Variants in MYO3B observed in about 807,000 individuals in gnomAD.
MYO3B encodes the protein myosin-IIIb.
A neutral mutation model predicts 174.6 loss-of-function variants in MYO3B; 156 were observed. That is an observed-to-expected ratio of 0.89 (90% confidence interval 0.78 to 1.02). The LOEUF (loss-of-function observed/expected upper bound fraction) is 1.02. Ranked by LOEUF, MYO3B falls within the 50% of genes least tolerant of loss-of-function variation. MYO3B has a pLI of 0.00. For missense variants in MYO3B, 1,632 were observed against 1,639.4 expected (o/e 1.00, Z 0.08); for synonymous variants, 563 against 569.1 (o/e 0.99, Z 0.15).
chr2:170,316,919 T>G (rs533589028), intron 7 of MYO3B, among the ~76,000 whole-genome samples: 2 of 152,328 alleles, frequency 1.3e-5, no homozygotes, highest in East Asian at 3.9e-4. Context: ...TTGGGACCTA[T>G]AGAAGCTGGC....
intron 8 of MYO3B, among the ~76,000 whole-genome samples, chr2:170,346,679 C>T (rs1043022252): frequency 1.8e-4 from 28 of 152,178 alleles, no homozygotes; most frequent in African/African-American, 6.5e-4. Context: ...TTTCTGTAAT[C>T]ATCAATGATT....
At chr2:170,318,785 G>A (rs1422694811) in intron 7 of MYO3B, among the ~76,000 whole-genome samples, 2 of 152,078 alleles carry the variant, frequency 1.3e-5, no homozygotes, top group African/African-American at 4.8e-5. Context: ...AAAGGTATGA[G>A]AATCAAGGTC....
chr2:170,311,386 G>A (rs796377479), intron 7 of MYO3B, among the ~76,000 whole-genome samples: 5 of 151,704 alleles, frequency 3.3e-5, no homozygotes, highest in African/African-American at 1.2e-4. Flanking sequence ...ATGTTTTCAT[G>A]TGCTTCTTGG....
intron 16 of MYO3B, among the ~76,000 whole-genome samples, chr2:170,395,751 T>C (rs2094439394): frequency 6.6e-6 from 1 of 151,538 alleles, no homozygotes; most frequent in Non-Finnish European, 1.5e-5. Context: ...ACTGACGAGA[T>C]TTACAAAAAA....
chr2:170,472,996 T>C (rs1685070745), intron 25 of MYO3B, among the ~76,000 whole-genome samples: 1 of 152,054 alleles, frequency 6.6e-6, no homozygotes, highest in African/African-American at 2.4e-5. Context: ...CCACCATGCC[T>C]GAACTTCAGC....
chr2:170,285,984 A>G (rs1467344341), intron 7 of MYO3B, among the ~76,000 whole-genome samples: 1 of 152,160 alleles, frequency 6.6e-6, no homozygotes, highest in East Asian at 1.9e-4. Context: ...TTATCATGTC[A>G]TGTCTACCAT....
intron 32 of MYO3B, among the ~76,000 whole-genome samples, chr2:170,565,193 G>T (rs1255630899): frequency 1.3e-5 from 2 of 152,180 alleles, no homozygotes; most frequent in Admixed American, 6.5e-5. Flanking sequence ...GGGCTGTCAA[G>T]AATACAAGGA....
At chr2:170,241,422 G>A (rs1488176012) in intron 7 of MYO3B, among the ~76,000 whole-genome samples, 1 of 152,128 alleles carries the variant, frequency 6.6e-6, no homozygotes, top group Non-Finnish European at 1.5e-5. Flanking sequence ...AAAGAGCTTT[G>A]GAGCACAATC....
At chr2:170,382,785 AG>A (rs2094345090) in intron 10 of MYO3B, 1 of 218,052 alleles carries the variant, frequency 4.6e-6, no homozygotes, top group Non-Finnish European at 8.6e-6. Flanking sequence ...GGTTGAGATG[AG>A]TTTTTTTTTC....
chr2:170,368,353 C>T (rs566914141), intron 8 of MYO3B, among the ~76,000 whole-genome samples: 129 of 152,298 alleles, frequency 8.5e-4, no homozygotes, highest in African/African-American at 2.9e-3. Flanking sequence ...TTCTTCCTCT[C>T]GCCAAGGGCA....
intron 25 of MYO3B, among the ~76,000 whole-genome samples, chr2:170,472,416 C>G (rs1685028299): frequency 6.6e-6 from 1 of 152,178 alleles, no homozygotes; most frequent in African/African-American, 2.4e-5. Context: ...GTGCTTTGCT[C>G]AGGCTATGTC....
chr2:170,630,991 G>C (rs1696920334), intron 32 of MYO3B, among the ~76,000 whole-genome samples: 1 of 152,188 alleles, frequency 6.6e-6, no homozygotes, highest in Non-Finnish European at 1.5e-5. Context: ...AAACCAGAGT[G>C]CCCCTTCTCC....
rs1559202013 is a variant in MYO3B at position 170,649,262 on chromosome 2, A to AAAATAAT, written c.3734-2365_3734-2364insAATAATA. Among the ~76,000 whole-genome samples the AAAATAAT allele has an allele frequency of 5.8e-3, 222 of 38,076 alleles. 31 individuals carry two copies. The highest frequency in any genetic ancestry group is 0.027 in the Admixed American group (61 of 2,224). 25.0% of individuals were successfully genotyped at this position (38,076 alleles called of 152,430 possible). Reference sequence around the variant, plus strand: ...ATATATTATATATAAAATAATATATAATATATTATATATAAAATAATATAT... The same window carrying AAAATAAT: ...ATATATTATATATAAAATAATATATAAAATAATATATATTATATATAAAATAATATAT... On this transcript the variant is annotated intron_variant, in intron 32 of 34. Transcript: ENST00000408978.
intron 7 of MYO3B, among the ~76,000 whole-genome samples, chr2:170,252,938 T>A (rs1464001210): frequency 6.6e-6 from 1 of 152,116 alleles, no homozygotes. Flanking sequence ...TGGAGAGTGG[T>A]AGATGATGAT....
rs115343778 is a variant in MYO3B at position 170,517,288 on chromosome 2, G to A, written c.3473-2150G>A. Among the ~76,000 whole-genome samples, 964 of 152,264 alleles carry A rather than the reference G, an allele frequency of 6.3e-3. 2 individuals are homozygous for A. The highest frequency in any genetic ancestry group is 0.012 in the Admixed American group (182 of 15,296). ...GAAGTGTAAATTAATAAGAAACATGGAATAAGTTTTCCCTTCAATTACATG... is the reference window on the plus strand; with the variant it reads ...GAAGTGTAAATTAATAAGAAACATGAAATAAGTTTTCCCTTCAATTACATG... On this transcript the variant is annotated intron_variant, in intron 29 of 34. Coordinates refer to ENST00000408978, the MANE Select transcript of MYO3B (RefSeq NM_138995.5).
At chr2:170,185,515 A>ATGCCAG (rs2092451060) in intron 1 of MYO3B, among the ~76,000 whole-genome samples, 1 of 152,104 alleles carries the variant, frequency 6.6e-6, no homozygotes, top group African/African-American at 2.4e-5. Context: ...AACTGTTTTT[A>ATGCCAG]TGCCAGTGCC....
chr2:170,497,216 C>G (rs999124796), intron 25 of MYO3B, among the ~76,000 whole-genome samples: 2 of 152,206 alleles, frequency 1.3e-5, no homozygotes, highest in African/African-American at 4.8e-5. Flanking sequence ...TCTGAACAAA[C>G]AGGTCTTGCT....
intron 6 of MYO3B, among the ~76,000 whole-genome samples, chr2:170,223,693 G>T (rs1412892625): frequency 6.6e-6 from 1 of 152,162 alleles, no homozygotes; most frequent in Non-Finnish European, 1.5e-5. Flanking sequence ...TTGATTAATG[G>T]TAATGGCAGG....
At chr2:170,601,018 T>C (rs751623835) in intron 32 of MYO3B, among the ~76,000 whole-genome samples, 4 of 152,322 alleles carry the variant, frequency 2.6e-5, no homozygotes, top group Non-Finnish European at 5.9e-5. Flanking sequence ...CATTATGATA[T>C]GCAGGGTGCA....
Sources: gnomAD v4.1 joint callset for allele counts (sites outside exome capture counted in the v4.1 genomes callset) on GRCh38, gnomAD v4.1.1 for gene constraint, MANE v1.5 for transcripts, NCBI Gene and HGNC (gene_info 2026-07-23, HGNC 2026-07-21) for gene names.